PCSK5: variants seen among roughly 807,000 people sequenced by gnomAD.
PCSK5 encodes the protein prohormone convertase 5.
A neutral mutation model predicts 233.2 loss-of-function variants in PCSK5; 129 were observed. The ratio of observed to expected loss-of-function variants is 0.55; its 90% CI spans 0.48 to 0.64. PCSK5 has a LOEUF of 0.64. Ranked by LOEUF, PCSK5 falls within the 30% of genes least tolerant of loss-of-function variation. The pLI, the probability that PCSK5 is intolerant of heterozygous loss-of-function variation, is 0.00. For synonymous variants in PCSK5, 825 were observed against 879.2 expected, an observed-to-expected ratio of 0.94 and a Z score of 1.09; for missense variants, 2,076 against 2,430.1, an observed-to-expected ratio of 0.85 and a Z score of 3.06.
chr9:76,243,171 A>T (rs183288587), intron 24 of PCSK5, among the ~76,000 whole-genome samples: 1 of 152,330 alleles, frequency 6.6e-6, no homozygotes, highest in Non-Finnish European at 1.5e-5. Context: ...AAAAAAAGAT[A>T]GATTAGGAAG....
At chr9:76,319,385 T>C (rs181983309) in intron 30 of PCSK5, among the ~76,000 whole-genome samples, 2,166 of 141,104 alleles carry the variant, frequency 0.015, 28 homozygotes, top group Non-Finnish European at 0.024. Context: ...GATATAGAGA[T>C]GATCATGGAC....
At chr9:76,080,375 C>T (rs1286441242) in intron 7 of PCSK5, among the ~76,000 whole-genome samples, 4 of 152,168 alleles carry the variant, frequency 2.6e-5, no homozygotes, top group Non-Finnish European at 5.9e-5. Flanking sequence ...ATACCTCCTT[C>T]TATTGATTAT....
chr9:76,091,449 A>G (rs1452922021), intron 7 of PCSK5, among the ~76,000 whole-genome samples: 2 of 151,808 alleles, frequency 1.3e-5, no homozygotes, highest in Non-Finnish European at 2.9e-5. Flanking sequence ...CTCACTGAAA[A>G]CCCTTTTTCC....
intron 8 of PCSK5, among the ~76,000 whole-genome samples, chr9:76,099,787 C>A (rs1279321046): frequency 6.6e-6 from 1 of 152,138 alleles, no homozygotes; most frequent in Non-Finnish European, 1.5e-5. Context: ...TTGAGTGCTA[C>A]AGGAATGGCA....
chr9:75,968,121 G>C (rs1401720910), intron 2 of PCSK5, among the ~76,000 whole-genome samples: 1 of 152,196 alleles, frequency 6.6e-6, no homozygotes, highest in Non-Finnish European at 1.5e-5. Context: ...ACTGATCCAG[G>C]GAGTCAGAGG....
chr9:76,232,685 T>C (rs990457871), intron 21 of PCSK5, among the ~76,000 whole-genome samples: 1 of 152,240 alleles, frequency 6.6e-6, no homozygotes, highest in Admixed American at 6.5e-5. Context: ...TGGATACAAT[T>C]TACTTAGTCA....
At chr9:76,351,494 A>AGG (rs1471855082) in intron 36 of PCSK5, among the ~76,000 whole-genome samples, 3 of 110,084 alleles carry the variant, frequency 2.7e-5, no homozygotes, top group African/African-American at 9.2e-5. Flanking sequence ...GAAAGAAAGA[A>AGG]AGAAAGAAAG....
chr9:76,158,508 T>C (rs1248362787), intron 11 of PCSK5, among the ~76,000 whole-genome samples: 2 of 152,126 alleles, frequency 1.3e-5, no homozygotes, highest in Non-Finnish European at 2.9e-5. Context: ...GAGGGAAGAA[T>C]GTGCTGGTGG....
chr9:76,355,098 C>T (rs1033368634), intron 37 of PCSK5, among the ~76,000 whole-genome samples: 4 of 152,162 alleles, frequency 2.6e-5, no homozygotes, highest in Non-Finnish European at 4.4e-5. Context: ...GCTATCCTCA[C>T]GTCTAACCCC....
intron 9 of PCSK5, among the ~76,000 whole-genome samples, chr9:76,124,345 T>TA (rs1393898448): frequency 4.6e-5 from 7 of 152,190 alleles, no homozygotes; most frequent in Non-Finnish European, 8.8e-5. Context: ...AAAGACTCAG[T>TA]AATTTTTAGT....
chr9:76,302,017 T>G, intron 27 of PCSK5, 120 bp from the exon 28 acceptor site: 1 of 398,896 alleles, frequency 2.5e-6, no homozygotes, highest in Non-Finnish European at 4.7e-6. Context: ...AGATGAGACA[T>G]CCATGTACCA....
intron 12 of PCSK5, among the ~76,000 whole-genome samples, chr9:76,160,535 C>A (rs189003343): frequency 6.6e-6 from 1 of 152,242 alleles, no homozygotes; most frequent in African/African-American, 2.4e-5. Context: ...ATAGACATAG[C>A]CACTTGTCCA....
Position 76,096,931 on chromosome 9 carries a change from A to T in PCSK5, c.1107+829A>T, listed in dbSNP as rs1195662616. Among the ~76,000 whole-genome samples the T allele has an allele frequency of 3.4e-5, 5 of 145,150 alleles. No homozygotes were observed. The South Asian group carries it at 6.6e-4, about 19-fold the overall frequency. ...GGTGCATTTCTTTATTTTTATTTTT[A>T]TTTTTTATTTTTTTTTTTGAGACAG... On this transcript the variant is annotated intron_variant, in intron 8 of 37. Transcript: ENST00000674117.
intron 12 of PCSK5, among the ~76,000 whole-genome samples, chr9:76,163,165 C>A (rs1367966434): frequency 6.6e-6 from 1 of 152,230 alleles, no homozygotes; most frequent in East Asian, 1.9e-4. Context: ...CAGAAGTCCT[C>A]ATTTACTTAG....
At chr9:76,253,250 T>TC (rs1269520577) in intron 24 of PCSK5, among the ~76,000 whole-genome samples, 6 of 145,760 alleles carry the variant, frequency 4.1e-5, no homozygotes, top group Non-Finnish European at 7.6e-5. Context: ...TTCTTCTTCT[T>TC]TTTTTTTTTT....
rs546078548 is a variant in PCSK5 at position 76,038,467 on chromosome 9, C to G, written c.632+11430C>G. Among the ~76,000 whole-genome samples, 296 of 152,284 alleles carry G rather than the reference C, an allele frequency of 1.9e-3. 1 individual carries two copies. Among genetic ancestry groups the G allele is most frequent in the Non-Finnish European group, 1.9e-3 (132 of 68,008 alleles). On this transcript the variant is annotated intron_variant, in intron 5 of 37. Coordinates refer to ENST00000674117, the MANE Select transcript of PCSK5 (RefSeq NM_001372043.1). ...AATTTTATTGAATGTCATACTCTTTCATAAAATTTTTTATTTTTCCTAAAG... is the reference window on the plus strand; with the variant it reads ...AATTTTATTGAATGTCATACTCTTTGATAAAATTTTTTATTTTTCCTAAAG...
chr9:76,176,886 G>T (rs1283675297), intron 14 of PCSK5, among the ~76,000 whole-genome samples: 1 of 152,126 alleles, frequency 6.6e-6, no homozygotes, highest in Non-Finnish European at 1.5e-5. Flanking sequence ...TGTCCTTCTT[G>T]TCATTATTTC....
At chr9:76,343,725 T>G (rs775295441) in intron 35 of PCSK5, among the ~76,000 whole-genome samples, 1 of 152,150 alleles carries the variant, frequency 6.6e-6, no homozygotes, top group Non-Finnish European at 1.5e-5. Context: ...GAGTCATCAC[T>G]TCCTCCAGAA....
chr9:76,209,818 A>G (rs1001184437), intron 20 of PCSK5, among the ~76,000 whole-genome samples: 1 of 151,326 alleles, frequency 6.6e-6, no homozygotes, highest in Non-Finnish European at 1.5e-5. Flanking sequence ...TATATATTAA[A>G]TTATAAATTA....
Sources: gnomAD v4.1 joint callset for allele counts (sites outside exome capture counted in the v4.1 genomes callset) on GRCh38, gnomAD v4.1.1 for gene constraint, MANE v1.5 for transcripts, NCBI Gene and HGNC (gene_info 2026-07-23, HGNC 2026-07-21) for gene names.